Variants in VAT1L observed in about 807,000 individuals in gnomAD.
VAT1L encodes vesicle amine transport 1 like.
VAT1L carries 34 observed loss-of-function variants against 44.1 expected under a neutral mutation model. The observed-to-expected ratio is 0.77, with a 90% CI of 0.59 to 1.03. The LOEUF (loss-of-function observed/expected upper bound fraction) is 1.03. Ranked by LOEUF, VAT1L falls within the 50% of genes least tolerant of loss-of-function variation. VAT1L has a pLI of 0.00. For synonymous variants in VAT1L, 253 were observed against 202.2 expected (o/e 1.25, Z -2.13); for missense variants, 615 against 538.8 (o/e 1.14, Z -1.40).
At chr16:77,856,562 C>T (rs973993192) in intron 3 of VAT1L, among the ~76,000 whole-genome samples, 1 of 152,152 alleles carries the variant, frequency 6.6e-6, no homozygotes, top group Non-Finnish European at 1.5e-5. Flanking sequence ...GGAATATGAT[C>T]TTGCTTTAAA....
At chr16:77,966,741 T>A (rs565015139) in intron 7 of VAT1L, among the ~76,000 whole-genome samples, 2 of 152,198 alleles carry the variant, frequency 1.3e-5, no homozygotes, top group Non-Finnish European at 2.9e-5. Flanking sequence ...TAGTTTGGAT[T>A]CTTTTTTATG....
Position 77,808,264 on chromosome 16 carries a change from A to G in VAT1L, c.234-8657A>G, listed in dbSNP as rs546963742. On this transcript the variant is annotated intron_variant, in intron 1 of 8. Coordinates refer to ENST00000302536, the MANE Select transcript of VAT1L (RefSeq NM_020927.3). The stretch of plus-strand genomic sequence containing the variant: ...GAGGGATCTAGGTTGTGTACTTCTT[A>G]TGAAAATCTAATGCCTGATGATCTG... Among the ~76,000 whole-genome samples the G allele has an allele frequency of 2.0e-5, 3 of 152,206 alleles. No homozygotes were observed. In the South Asian group the frequency reaches 6.2e-4, roughly 32 times the overall value.
intron 4 of VAT1L, among the ~76,000 whole-genome samples, chr16:77,871,800 G>C (rs1261242123): frequency 6.6e-6 from 1 of 152,156 alleles, no homozygotes; most frequent in Non-Finnish European, 1.5e-5. Context: ...TTGCTCAAGA[G>C]TGTGGCACAC....
At chr16:77,811,549 C>A (rs1172874682) in intron 1 of VAT1L, among the ~76,000 whole-genome samples, 2 of 152,140 alleles carry the variant, frequency 1.3e-5, no homozygotes, top group African/African-American at 4.8e-5. Context: ...GCTTATATTC[C>A]CAGTTCTGGT....
intron 7 of VAT1L, among the ~76,000 whole-genome samples, chr16:77,907,161 T>C (rs1402005776): frequency 2.6e-5 from 4 of 152,162 alleles, no homozygotes; most frequent in African/African-American, 2.4e-5. Context: ...TCGTGACCAA[T>C]AGCGGGTTAT....
intron 7 of VAT1L, among the ~76,000 whole-genome samples, chr16:77,920,175 G>T (rs1403476257): frequency 6.6e-6 from 1 of 152,216 alleles, no homozygotes; most frequent in Non-Finnish European, 1.5e-5. Context: ...GCACAGAGCT[G>T]CCAAGCATTC....
At chr16:77,882,461 T>C (rs1447486916) in intron 6 of VAT1L, 1 of 152,190 alleles carries the variant, frequency 6.6e-6, no homozygotes, top group African/African-American at 2.4e-5. Context: ...ATAAAAGTGG[T>C]GTATGTTTAT....
chr16:77,885,902 A>T lies in VAT1L; in HGVS notation c.1077+1100A>T, dbSNP rs1273867792. On this transcript the variant is annotated intron_variant, in intron 7 of 8. Coordinates refer to ENST00000302536, the MANE Select transcript of VAT1L (RefSeq NM_020927.3). ...TTCAAATACAACTGGTCCTAGATCA[A>T]TGGAGCAGGAATGTGCCTATATCTC... Among the ~76,000 whole-genome samples, 5 of 152,292 alleles carry T rather than the reference A, an allele frequency of 3.3e-5. No homozygotes were observed. In the East Asian group the frequency reaches 9.7e-4, roughly 29 times the overall value.
At chr16:77,868,571 A>G (rs886146412) in intron 4 of VAT1L, among the ~76,000 whole-genome samples, 1 of 152,182 alleles carries the variant, frequency 6.6e-6, no homozygotes, top group African/African-American at 2.4e-5. Context: ...AGTAAATATC[A>G]CACAAATAGA....
chr16:77,890,807 C>G (rs1219394710), intron 7 of VAT1L, among the ~76,000 whole-genome samples: 3 of 151,556 alleles, frequency 2.0e-5, no homozygotes, highest in African/African-American at 7.3e-5. Flanking sequence ...ACCTGTGGTC[C>G]CAGGTACTCA....
intron 7 of VAT1L, among the ~76,000 whole-genome samples, chr16:77,929,715 G>A (rs2017706766): frequency 6.6e-6 from 1 of 152,158 alleles, no homozygotes; most frequent in African/African-American, 2.4e-5. Context: ...TACTCACAAG[G>A]TGACATGAGG....
intron 2 of VAT1L, among the ~76,000 whole-genome samples, chr16:77,818,161 G>A (rs547831363): frequency 6.6e-6 from 1 of 152,142 alleles, no homozygotes; most frequent in Non-Finnish European, 1.5e-5. Context: ...ATGCAGGACA[G>A]GAGAGCTAAA....
At chr16:77,844,431 T>C (rs2016737991) in intron 3 of VAT1L, among the ~76,000 whole-genome samples, 1 of 152,086 alleles carries the variant, frequency 6.6e-6, no homozygotes. Flanking sequence ...TTTTCTGAGA[T>C]GGAGTCTTGC....
At chr16:77,928,767 T>TA (rs397806677) in intron 7 of VAT1L, among the ~76,000 whole-genome samples, 8 of 151,704 alleles carry the variant, frequency 5.3e-5, no homozygotes, top group South Asian at 2.1e-4. Flanking sequence ...ATTTTTTTTT[T>TA]AAATGACTGT....
At chr16:77,942,030 T>C (rs2017891307) in intron 7 of VAT1L, among the ~76,000 whole-genome samples, 1 of 152,238 alleles carries the variant, frequency 6.6e-6, no homozygotes. Flanking sequence ...TGAGATGATA[T>C]CTCATTGTGG....
chr16:77,852,106 C>G (rs916910400), intron 3 of VAT1L, among the ~76,000 whole-genome samples: 2 of 152,152 alleles, frequency 1.3e-5, no homozygotes, highest in African/African-American at 2.4e-5. Context: ...CTCCTCTCCC[C>G]CTCCCAATCT....
intron 7 of VAT1L, among the ~76,000 whole-genome samples, chr16:77,944,322 C>T (rs1309832424): frequency 1.3e-5 from 2 of 152,116 alleles, no homozygotes; most frequent in Non-Finnish European, 2.9e-5. Flanking sequence ...AGGCTACCAT[C>T]CTAAGAAAGA....
chr16:77,957,244 C>T (rs938483336), intron 7 of VAT1L, among the ~76,000 whole-genome samples: 8 of 151,926 alleles, frequency 5.3e-5, no homozygotes, highest in African/African-American at 1.5e-4. Context: ...TTGACAATTC[C>T]GGGTGAAAAC....
chr16:77,925,389 G>C (rs555428031), intron 7 of VAT1L, among the ~76,000 whole-genome samples: 1 of 152,090 alleles, frequency 6.6e-6, no homozygotes, highest in South Asian at 2.1e-4. Context: ...ATTTCACCTC[G>C]ATCAAGTGGC....
Sources: gnomAD v4.1 joint callset for allele counts (sites outside exome capture counted in the v4.1 genomes callset) on GRCh38, gnomAD v4.1.1 for gene constraint, MANE v1.5 for transcripts, NCBI Gene and HGNC (gene_info 2026-07-23, HGNC 2026-07-21) for gene names.